THUMPD3: variants seen among roughly 807,000 people sequenced by gnomAD.
The protein encoded by THUMPD3 is THUMP domain 3 tRNA guanosine methyltransferase.
In THUMPD3, 44 loss-of-function variants were observed where a neutral mutation model predicts 54.5. The observed-to-expected ratio is 0.81, with a 90% CI of 0.63 to 1.04. The LOEUF is 1.04. Ranked by LOEUF, THUMPD3 falls within the 50% of genes least tolerant of loss-of-function variation. THUMPD3 has a pLI of 0.00. For synonymous variants in THUMPD3, 196 were observed against 201.4 expected, an observed-to-expected ratio of 0.97 and a Z score of 0.23; for missense variants, 604 against 601.3, an observed-to-expected ratio of 1.00 and a Z score of -0.05.
Position 9,383,207 on chromosome 3 carries a change from C to T in THUMPD3, c.1133C>T (p.Ser378Phe), listed in dbSNP as rs2033055504. ...TKSQIKEGKP[S>F]WGLPIDAVQW... Reference sequence around the variant, plus strand: ...TTCCTTTGTCCCCACAGCAAACCCTCCTGGGGCTTGCCCATAGATGCTGTT... The same window carrying T: ...TTCCTTTGTCCCCACAGCAAACCCTTCTGGGGCTTGCCCATAGATGCTGTT... The change falls in exon 8 of 10, where the codon TCC (serine) becomes TTC (phenylalanine). Residue 378 changes from serine (S) to phenylalanine (F), a missense_variant. Ser to Phe is a radical substitution (Grantham distance 155). Transcript: ENST00000452837. The T allele has an allele frequency of 1.2e-6, 2 of 1,613,198 alleles. No individual in the cohort carries two copies. Among genetic ancestry groups the T allele is most frequent in the East Asian group, 2.2e-5 (1 of 44,882 alleles).
At chr3:9,374,302 A>G (rs1346658741) in intron 4 of THUMPD3, among the ~76,000 whole-genome samples, 1 of 152,140 alleles carries the variant, frequency 6.6e-6, no homozygotes, top group African/African-American at 2.4e-5. Context: ...TGTATTTTTT[A>G]AATGTCTTAA....
rs1186153006 is a variant in THUMPD3 at position 9,386,233 on chromosome 3, CAGA to C, written c.*1547_*1549del. 1 of 152,136 alleles carries C rather than the reference CAGA, an allele frequency of 6.6e-6. No homozygotes were observed. The highest frequency in any genetic ancestry group is 1.5e-5 in the Non-Finnish European group (1 of 68,036). The allele number at this position is 152,136 out of a possible 1,614,324, so 9.4% of individuals were successfully genotyped here. A position where few individuals can be genotyped will look rare whatever the true frequency, so the allele number is the denominator to read the frequency against. The stretch of plus-strand genomic sequence containing the variant: ...CCTAGACTGGCCTTTTTACCACTAT[CAGA>C]ATTCACAGCTGCTTTGTTTATGGGC... On this transcript the variant is annotated 3_prime_UTR_variant, in exon 10 of 10. Coordinates refer to ENST00000452837, the MANE Select transcript of THUMPD3 (RefSeq NM_001114092.2).
chr3:9,371,173 G>C lies in THUMPD3; in HGVS notation c.444G>C (p.Lys148Asn), dbSNP rs755718214. 15 of 1,611,848 alleles carry C rather than the reference G, an allele frequency of 9.3e-6. No individual in the cohort carries two copies. The highest frequency in any genetic ancestry group is 1.7e-5 in the Admixed American group (1 of 59,596). The change falls in exon 4 of 10, where the codon AAG becomes AAC. Residue 148 changes from lysine to asparagine, a missense_variant. Coordinates refer to ENST00000452837, the MANE Select transcript of THUMPD3 (RefSeq NM_001114092.2). ...AAAAGAAAAAAGCAAAGCGCAAAAA[G>C]ATAAATCAGAATTCAAGTAAAGAGA... ...SFKKKKAKRK[K>N]INQNSSKEKI...
chr3:9,368,034 C>T (rs776922200), intron 3 of THUMPD3, among the ~76,000 whole-genome samples: 2 of 151,958 alleles, frequency 1.3e-5, no homozygotes, highest in African/African-American at 4.8e-5. Context: ...CACTGCACTC[C>T]AGCCTGGGCG....
At chr3:9,367,033 A>C in intron 3 of THUMPD3, 48 bp downstream of exon 3, 1 of 1,417,926 alleles carries the variant, frequency 7.1e-7, no homozygotes, top group Non-Finnish European at 9.9e-7. Flanking sequence ...TCTTCCACAA[A>C]GAGATTATTT....
chr3:9,384,020 A>AT (rs979971112), intron 8 of THUMPD3, among the ~76,000 whole-genome samples, 192 bp from the exon 9 acceptor site: 3 of 152,112 alleles, frequency 2.0e-5, no homozygotes, highest in African/African-American at 7.2e-5. Flanking sequence ...TCTAAAAAAA[A>AT]TTTTTTTGAT....
intron 5 of THUMPD3, among the ~76,000 whole-genome samples, chr3:9,375,140 A>T (rs2032362045): frequency 1.3e-5 from 2 of 152,164 alleles, no homozygotes; most frequent in South Asian, 4.1e-4. Context: ...TACAGGTGTA[A>T]GCCACCGCGC....
chr3:9,368,465 C>T (rs749503560), intron 3 of THUMPD3, among the ~76,000 whole-genome samples: 24 of 150,566 alleles, frequency 1.6e-4, no homozygotes, highest in Admixed American at 4.0e-4. Context: ...TGGGTTCAAG[C>T]GATTCTCCTG....
rs148652861 is a variant in THUMPD3, at chr3:9,364,693, A to C, written c.-53-323A>C. Among the ~76,000 whole-genome samples the C allele has an allele frequency of 1.5e-3, 223 of 152,362 alleles. 8 individuals carry two copies. In the East Asian group the frequency reaches 0.027, roughly 18 times the overall value. On this transcript the variant is annotated intron_variant, in intron 1 of 9. Transcript: ENST00000452837. ...CCATGTTCTTAACATCTAGATGCAG[A>C]AATGGATTTGAATGTGATCTGCAGT...
intron 2 of THUMPD3, 63 bp downstream of exon 2, chr3:9,365,383 T>A (rs945135495): frequency 3.2e-6 from 5 of 1,567,882 alleles, no homozygotes; most frequent in Non-Finnish European, 4.3e-6. Context: ...TACTTTTCAT[T>A]TTATAGACCC....
intron 7 of THUMPD3, 94 bp downstream of exon 7, chr3:9,380,712 G>T: frequency 1.3e-6 from 1 of 784,978 alleles, no homozygotes; most frequent in Middle Eastern, 2.4e-4. Flanking sequence ...GCATTGTGAC[G>T]TCATTGTAAC....
chr3:9,372,683 C>G (rs1266194556), intron 4 of THUMPD3, among the ~76,000 whole-genome samples: 2 of 152,052 alleles, frequency 1.3e-5, no homozygotes, highest in African/African-American at 2.4e-5. Flanking sequence ...TTCTTAAATT[C>G]TGCTAGATTT....
intron 4 of THUMPD3, among the ~76,000 whole-genome samples, chr3:9,372,755 G>A (rs1559304216): frequency 6.6e-6 from 1 of 151,986 alleles, no homozygotes. Flanking sequence ...TCTTTTATCT[G>A]GGTGATTGAC....
At chr3:9,383,585 T>C (rs971239970) in intron 8 of THUMPD3, among the ~76,000 whole-genome samples, 1 of 152,138 alleles carries the variant, frequency 6.6e-6, no homozygotes, top group Non-Finnish European at 1.5e-5. Flanking sequence ...AAAAAGGTGG[T>C]AGAAGACTTG....
intron 2 of THUMPD3, 53 bp from the exon 3 acceptor site, chr3:9,366,855 C>T (rs1029765771): frequency 2.8e-6 from 4 of 1,409,250 alleles, no homozygotes; most frequent in African/African-American, 1.4e-5. Flanking sequence ...TTGTTGATAG[C>T]TTGTGCTGTT....
At chr3:9,368,358 A>G (rs1389023882) in intron 3 of THUMPD3, among the ~76,000 whole-genome samples, 2 of 76,034 alleles carry the variant, frequency 2.6e-5, no homozygotes. Flanking sequence ...CCACCCGCGC[A>G]TATTTTTTTT....
In THUMPD3 at chr3:9,384,608, C is replaced by G. The variant is rs201763793; in HGVS notation, c.1444C>G (p.Leu482Val). 4.1e-4 allele frequency: 667 copies of G among 1,614,172 alleles called. 1 individual carries two copies. Among genetic ancestry groups the G allele is most frequent in the Non-Finnish European group, 3.9e-4 (460 of 1,180,046 alleles). ...TGGTCTTCGTGCTGCAGTTTACGTT[C>G]TGATACGTACACCTCAAGCTTTTGT... ...VGGLRAAVYV[L>V]IRTPQAFVHP... Residue 482 changes from leucine (L) to valine (V), a missense_variant, in exon 10 of 10, where the codon CTG becomes GTG. Coordinates refer to ENST00000452837, the MANE Select transcript of THUMPD3 (RefSeq NM_001114092.2).
chr3:9,371,092 T>C lies in THUMPD3; in HGVS notation c.363T>C (p.Ala121=). ...EEVLKDFEDL[A]GKLPWSNPLK... ...TTCTAAAGGATTTTGAAGACTTGGC[T>C]GGAAAACTCCCATGGTCAAACCCCT... is the stretch of plus-strand genomic sequence containing the variant. The change falls in exon 4 of 10, where the codon GCT becomes GCC. Residue 121 remains alanine, a synonymous_variant. Coordinates refer to ENST00000452837, the MANE Select transcript of THUMPD3 (RefSeq NM_001114092.2). 1 of 1,576,086 alleles carries C rather than the reference T, an allele frequency of 6.3e-7. No individual in the cohort carries two copies. The highest frequency in any genetic ancestry group is 8.6e-7 in the Non-Finnish European group (1 of 1,168,806).
Position 9,365,035 on chromosome 3 carries a change from A to G in THUMPD3, c.-34A>G. Reference sequence around the variant, plus strand: ...TTAAAGGACAGTACTGCTTTTAAAGAGACAGTGTTAGGGATCTTGGAAGCA... The same window carrying G: ...TTAAAGGACAGTACTGCTTTTAAAGGGACAGTGTTAGGGATCTTGGAAGCA... On this transcript the variant is annotated 5_prime_UTR_variant, in exon 2 of 10. Coordinates refer to ENST00000452837, the MANE Select transcript of THUMPD3 (RefSeq NM_001114092.2). 6.3e-7 allele frequency: 1 copy of G among 1,598,594 alleles called. No individual in the cohort carries two copies. The highest frequency in any genetic ancestry group is 8.5e-7 in the Non-Finnish European group (1 of 1,171,716).
Sources: gnomAD v4.1 joint callset for allele counts (sites outside exome capture counted in the v4.1 genomes callset) on GRCh38, gnomAD v4.1.1 for gene constraint, MANE v1.5 for transcripts, NCBI Gene and HGNC (gene_info 2026-07-23, HGNC 2026-07-21) for gene names.